The following MYBPC1 variants were observed in gnomAD, a reference collection of about 807,000 sequenced individuals.
The protein encoded by MYBPC1 is myosin-binding protein C, slow-type.
A neutral mutation model predicts 147.1 loss-of-function variants in MYBPC1; 52 were observed. The observed-to-expected ratio is 0.35, with a 90% confidence interval of 0.28 to 0.45. MYBPC1 has a LOEUF of 0.45. MYBPC1 is among the 20% of genes least tolerant of loss of function. MYBPC1 has a pLI of 1.00. For synonymous variants in MYBPC1, 477 were observed against 475.9 expected (o/e 1.00, Z -0.03); for missense variants, 1,228 against 1,440.3 (o/e 0.85, Z 2.39).
intron 22 of MYBPC1, 117 bp from the exon 23 acceptor site, chr12:101,667,615 C>A: frequency 8.2e-7 from 1 of 1,216,736 alleles, no homozygotes; most frequent in Non-Finnish European, 1.2e-6. Context: ...CATAATGTCT[C>A]TAAATGATGT....
intron 23 of MYBPC1, 127 bp downstream of exon 23, chr12:101,668,026 AATGC>A: frequency 2.7e-6 from 1 of 373,806 alleles, no homozygotes; most frequent in Non-Finnish European, 4.3e-6. Flanking sequence ...TTAATGCTTT[AATGC>A]TTCCTAAGAG....
downstream of MYBPC1, among the ~76,000 whole-genome samples, chr12:101,686,395 A>G (rs1111668): frequency 0.035 from 5,286 of 152,276 alleles, 141 homozygotes; most frequent in African/African-American, 0.071. Context: ...GCTTCTGCCA[A>G]AACAGCTAGT....
At chr12:101,646,262 T>G (rs569387365) in intron 12 of MYBPC1, among the ~76,000 whole-genome samples, 76 of 152,242 alleles carry the variant, frequency 5.0e-4, no homozygotes, top group African/African-American at 1.8e-3. Flanking sequence ...ATAAATATGC[T>G]TATACATTAA....
At chr12:101,614,032 G>T (rs999839844) in intron 1 of MYBPC1, among the ~76,000 whole-genome samples, 1 of 152,074 alleles carries the variant, frequency 6.6e-6, no homozygotes, top group African/African-American at 2.4e-5. Flanking sequence ...TAGACTCTAC[G>T]GGATATGCTC....
rs530334965 is a variant in MYBPC1, at chr12:101,640,390, T to C, written c.666-2029T>C. Among the ~76,000 whole-genome samples, 48 of 152,320 alleles carry C rather than the reference T, an allele frequency of 3.2e-4. No homozygotes were observed. In the South Asian group the frequency reaches 9.7e-3, roughly 31 times the overall value. ...AAGGATGTATTTGAAGTGTTTACTG[T>C]TTCCAGGAAGTAGATTTAGTGGATC... is the stretch of plus-strand genomic sequence containing the variant. On this transcript the variant is annotated intron_variant, in intron 10 of 31. Transcript: ENST00000361466.
intron 5 of MYBPC1, 118 bp from the exon 6 acceptor site, chr12:101,629,316 A>C: frequency 1.4e-6 from 1 of 736,666 alleles, no homozygotes; most frequent in Non-Finnish European, 2.4e-6. Context: ...TGTTGTATTT[A>C]TCTAGGTTTA....
intron 25 of MYBPC1, 53 bp from the exon 26 acceptor site, chr12:101,675,239 G>A (rs1899679862): frequency 1.9e-6 from 3 of 1,608,796 alleles, no homozygotes; most frequent in Non-Finnish European, 8.5e-7. Flanking sequence ...GAAACAAAAT[G>A]TAGACTGGGA....
the MYBPC1 span, among the ~76,000 whole-genome samples, chr12:101,691,838 A>G: frequency 1.3e-5 from 2 of 152,316 alleles, no homozygotes; most frequent in East Asian, 1.9e-4. Flanking sequence ...GAGCACACTC[A>G]GTGCAGGCTT....
At chr12:101,628,325 C>T (rs1889097765) in intron 5 of MYBPC1, 1 of 159,314 alleles carries the variant, frequency 6.3e-6, no homozygotes, top group African/African-American at 2.4e-5. Context: ...AACACTTATC[C>T]TCATGTTCTA....
chr12:101,680,612 C>G (rs1245680387), intron 29 of MYBPC1, 83 bp downstream of exon 29: 1 of 1,553,610 alleles, frequency 6.4e-7, no homozygotes, highest in Non-Finnish European at 8.8e-7. Context: ...TGTTCTTAAT[C>G]CAAATTGCTT....
chr12:101,622,589 G>T (rs1887675975), intron 3 of MYBPC1, among the ~76,000 whole-genome samples: 1 of 152,066 alleles, frequency 6.6e-6, no homozygotes, highest in Admixed American at 6.5e-5. Context: ...ACAAAAATTA[G>T]CCAGGCATGG....
chr12:101,663,568 C>T lies in MYBPC1; in HGVS notation c.2356+8C>T, dbSNP rs1241966012. On this transcript the variant is annotated splice_region_variant and intron_variant, in intron 22 of 31. Coordinates refer to ENST00000361466, the MANE Select transcript of MYBPC1 (RefSeq NM_002465.4). ...AGTATTGCTTTGAAGGAAGTAAGTA[C>T]AACCAGTAGATAAAATGAATACTGT... is the stretch of plus-strand genomic sequence containing the variant. 6.2e-7 allele frequency: 1 copy of T among 1,613,568 alleles called. No homozygotes were observed. Among genetic ancestry groups the T allele is most frequent in the African/African-American group, 1.3e-5 (1 of 74,874 alleles).
At chr12:101,685,559 G>C in intron 31 of MYBPC1, 23 bp from the exon 32 acceptor site, 1 of 1,465,688 alleles carries the variant, frequency 6.8e-7, no homozygotes, top group Non-Finnish European at 9.2e-7. Flanking sequence ...TGATTTGTCT[G>C]TTTTCCTTTT....
chr12:101,624,263 T>C (rs1015940184), intron 3 of MYBPC1, among the ~76,000 whole-genome samples: 2 of 152,128 alleles, frequency 1.3e-5, no homozygotes, highest in African/African-American at 4.8e-5. Context: ...TAAAAAGTAA[T>C]AACACATATC....
chr12:101,683,435 TA>T (rs1285932650), intron 30 of MYBPC1, among the ~76,000 whole-genome samples: 2 of 151,756 alleles, frequency 1.3e-5, no homozygotes, highest in African/African-American at 2.4e-5. Context: ...AAATAAAAAA[TA>T]AAAAAAATAA....
At chr12:101,668,024 TTAATG>T in intron 23 of MYBPC1, 125 bp downstream of exon 23, 1 of 950,866 alleles carries the variant, frequency 1.1e-6, no homozygotes, top group Non-Finnish European at 1.5e-6. Context: ...TGTTAATGCT[TTAATG>T]CTTCCTAAGA....
At chr12:101,689,632 AAG>A (rs1305935472), downstream of MYBPC1, among the ~76,000 whole-genome samples, 3 of 152,202 alleles carry the variant, frequency 2.0e-5, no homozygotes, top group Non-Finnish European at 4.4e-5. Flanking sequence ...AGGAAAGAAA[AAG>A]AACAAAAAAT....
intron 1 of MYBPC1, among the ~76,000 whole-genome samples, chr12:101,613,761 GA>G (rs1216452516): frequency 1.3e-5 from 2 of 152,288 alleles, no homozygotes; most frequent in Admixed American, 6.5e-5. Flanking sequence ...CCAGAGCCTG[GA>G]AAATTTTGGA....
At chr12:101,603,618 A>G (rs966927289) in intron 1 of MYBPC1, among the ~76,000 whole-genome samples, 2 of 152,174 alleles carry the variant, frequency 1.3e-5, no homozygotes, top group African/African-American at 2.4e-5. Context: ...CCTTTAAGAA[A>G]TTTATCCTAT....
Sources: gnomAD v4.1 joint callset for allele counts (sites outside exome capture counted in the v4.1 genomes callset) on GRCh38, gnomAD v4.1.1 for gene constraint, MANE v1.5 for transcripts, NCBI Gene and HGNC (gene_info 2026-07-23, HGNC 2026-07-21) for gene names.